Variants in LIMK1 observed in about 807,000 individuals in gnomAD.
LIMK1 encodes the protein LIM motif-containing protein kinase.
A neutral mutation model predicts 77.6 loss-of-function variants in LIMK1; 21 were observed. The observed-to-expected ratio is 0.27, with a 90% CI of 0.19 to 0.39. The LOEUF (loss-of-function observed/expected upper bound fraction) is 0.39. Among genes scored for constraint, LIMK1 ranks in the 10% least tolerant of loss-of-function variants. LIMK1 has a pLI of 1.00. For synonymous variants in LIMK1, 358 were observed against 370.0 expected (o/e 0.97, Z 0.37); for missense variants, 696 against 901.6 (o/e 0.77, Z 2.92).
intron 2 of LIMK1, chr7:74,093,091 A>G: frequency 7.1e-7 from 1 of 1,400,376 alleles, no homozygotes; most frequent in Non-Finnish European, 9.3e-7. Flanking sequence ...GTCCCCTGGC[A>G]CCCACGCGGC....
chr7:74,118,943 C>G (rs1417304582), intron 13 of LIMK1, among the ~76,000 whole-genome samples: 1 of 152,062 alleles, frequency 6.6e-6, no homozygotes, highest in African/African-American at 2.4e-5. Flanking sequence ...GTCATCCAGG[C>G]TAGAATGCAT....
At chr7:74,093,624 CA>C in intron 2 of LIMK1, among the ~76,000 whole-genome samples, 1 of 152,320 alleles carries the variant, frequency 6.6e-6, no homozygotes, top group South Asian at 2.1e-4. Flanking sequence ...ACCTGGGCTG[CA>C]GAGCACCCCT....
chr7:74,111,604 G>A, intron 10 of LIMK1, 44 bp from the exon 11 acceptor site: 1 of 1,573,178 alleles, frequency 6.4e-7, no homozygotes, highest in Non-Finnish European at 8.7e-7. Context: ...CCTGCCATCG[G>A]GGCCCCCACC....
intron 2 of LIMK1, among the ~76,000 whole-genome samples, chr7:74,092,633 G>A (rs1799259308): frequency 6.6e-6 from 1 of 152,188 alleles, no homozygotes; most frequent in Non-Finnish European, 1.5e-5. Flanking sequence ...GTCCCCTCCA[G>A]GAAGCCTCCT....
At chr7:74,086,958 C>T (rs1290615643) in intron 2 of LIMK1, among the ~76,000 whole-genome samples, 1 of 152,170 alleles carries the variant, frequency 6.6e-6, no homozygotes, top group Admixed American at 6.6e-5. Context: ...AAAGTAGGGT[C>T]AGGGTTGTGG....
chr7:74,088,635 C>T (rs1554694377), intron 2 of LIMK1, among the ~76,000 whole-genome samples: 2 of 151,778 alleles, frequency 1.3e-5, no homozygotes, highest in East Asian at 1.9e-4. Context: ...ACCCCCGTCT[C>T]TACTAAATAT....
chr7:74,120,317 G>A lies in LIMK1; in HGVS notation c.1568-266G>A, dbSNP rs138703250. 4.2e-3 allele frequency among the ~76,000 whole-genome samples: 642 copies of A among 152,336 alleles called. 1 individual carries two copies. Among genetic ancestry groups the A allele is most frequent in the Non-Finnish European group, 7.2e-3 (491 of 68,032 alleles). On this transcript the variant is annotated intron_variant, in intron 13 of 15. Coordinates refer to ENST00000336180, the MANE Select transcript of LIMK1 (RefSeq NM_002314.4). ...GGGACCAGCACAGAGTTCATGACTT[G>A]TGCAAAGTCACGCAGCTGATCGGTG...
intron 2 of LIMK1, among the ~76,000 whole-genome samples, chr7:74,089,344 A>G (rs1275683632): frequency 6.6e-6 from 1 of 152,164 alleles, no homozygotes; most frequent in Non-Finnish European, 1.5e-5. Flanking sequence ...CCTTGTCTCT[A>G]CAAAAAAATT....
intron 13 of LIMK1, among the ~76,000 whole-genome samples, chr7:74,119,181 C>A (rs1799882146): frequency 6.7e-6 from 1 of 149,466 alleles, no homozygotes; most frequent in Admixed American, 6.7e-5. Context: ...CCGTGCCCGG[C>A]CAGTTTTTTG....
At chr7:74,113,514 A>C (rs1799744180) in intron 12 of LIMK1, among the ~76,000 whole-genome samples, 1 of 151,658 alleles carries the variant, frequency 6.6e-6, no homozygotes, top group Admixed American at 6.6e-5. Flanking sequence ...AATCCCAGCT[A>C]CTCGGGAGGC....
Position 74,096,691 on chromosome 7 carries a change from G to T in LIMK1, c.222G>T (p.Lys74Asn). 6.2e-7 allele frequency: 1 copy of T among 1,614,078 alleles called. No homozygotes were observed. Reference protein sequence around the residue: ...YEKDGQLFCKKDYWARYGESC... With the variant: ...YEKDGQLFCKNDYWARYGESC... The stretch of plus-strand genomic sequence containing the variant: ...AGGATGGGCAGCTCTTCTGCAAGAA[G>T]GACTACTGGGCCCGCTATGGCGAGT... Residue 74 changes from lysine to asparagine, a missense_variant, in exon 3 of 16, where the codon AAG becomes AAT. By Grantham distance (94) the Lys-to-Asn change is moderately conservative. Transcript: ENST00000336180.
chr7:74,090,240 T>C (rs1799211750), intron 2 of LIMK1, among the ~76,000 whole-genome samples: 1 of 151,720 alleles, frequency 6.6e-6, no homozygotes, highest in South Asian at 2.1e-4. Context: ...CCGGGCCTGT[T>C]GGTGGGCGCC....
chr7:74,106,041 C>A (rs1799565737), intron 6 of LIMK1, 36 bp from the exon 7 acceptor site: 1 of 1,613,552 alleles, frequency 6.2e-7, no homozygotes, highest in East Asian at 2.2e-5. Flanking sequence ...AGCCCCCTCC[C>A]CACTCCACCC....
intron 13 of LIMK1, among the ~76,000 whole-genome samples, chr7:74,120,064 C>T (rs1460794345): frequency 6.6e-6 from 1 of 152,062 alleles, no homozygotes; most frequent in African/African-American, 2.4e-5. Flanking sequence ...GGCTTGTGGC[C>T]GCATCACTCC....
chr7:74,094,852 G>C (rs1799309466), intron 2 of LIMK1, among the ~76,000 whole-genome samples: 1 of 151,852 alleles, frequency 6.6e-6, no homozygotes, highest in African/African-American at 2.4e-5. Flanking sequence ...CGGTGGCCCA[G>C]CCTCCGCATT....
chr7:74,116,597 C>T (rs1034846962), intron 13 of LIMK1, among the ~76,000 whole-genome samples: 8 of 152,060 alleles, frequency 5.3e-5, no homozygotes, highest in African/African-American at 1.9e-4. Context: ...CTCATTCCTC[C>T]TGTTGCTGCC....
Position 74,114,532 on chromosome 7 carries a change from C to T in LIMK1, c.1411-1270C>T, listed in dbSNP as rs4435999. ...TGCCACTGCACTCCAGCCTGGGCCA[C>T]GGGAGGGAGACTCTGCCTCAAAAAA... On this transcript the variant is annotated intron_variant, in intron 12 of 15. Coordinates refer to ENST00000336180, the MANE Select transcript of LIMK1 (RefSeq NM_002314.4). Among the ~76,000 whole-genome samples the T allele has an allele frequency of 4.2e-3, 557 of 133,876 alleles. 3 individuals carry two copies. Among genetic ancestry groups the T allele is most frequent in the Non-Finnish European group, 5.4e-3 (344 of 63,606 alleles). 87.8% of individuals were successfully genotyped at this position (133,876 alleles called of 152,430 possible). A position where few individuals can be genotyped will look rare whatever the true frequency, so the allele number is the denominator to read the frequency against.
rs371076342 is a variant in LIMK1, at chr7:74,105,862, G to A, written c.609-13G>A. 4.4e-5 allele frequency: 71 copies of A among 1,608,942 alleles called. No individual in the cohort carries two copies. The highest frequency in any genetic ancestry group is 5.7e-5 in the Non-Finnish European group (67 of 1,176,284). ...ACAGGTGGGCACTGGCCTGACCCCT[G>A]CCTTACCCACAGAGTGGATCCGGGC... On this transcript the variant is annotated splice_polypyrimidine_tract_variant and intron_variant, in intron 5 of 15. Transcript: ENST00000336180.
chr7:74,103,522 T>G (rs2855727), intron 5 of LIMK1, among the ~76,000 whole-genome samples: 16,102 of 152,274 alleles, frequency 0.11, 864 homozygotes, highest in South Asian at 0.12. Context: ...GTGTGCCCTT[T>G]GCTGAGGATG....
Sources: allele counts gnomAD v4.1 joint callset (sites outside exome capture counted in the v4.1 genomes callset), GRCh38; gene constraint gnomAD v4.1.1; transcripts MANE v1.5; gene names NCBI Gene and HGNC (gene_info 2026-07-23, HGNC 2026-07-21).